CHAF1A: variants seen among roughly 807,000 people sequenced by gnomAD.
CHAF1A encodes chromatin assembly factor 1 subunit A.
CHAF1A carries 5 observed loss-of-function variants against 93.2 expected under a neutral mutation model. The ratio of observed to expected loss-of-function variants is 0.05; its 90% CI spans 0.03 to 0.11. The LOEUF is 0.11. CHAF1A is among the 10% of genes least tolerant of loss of function. The probability of loss-of-function intolerance (pLI) is 1.00; values close to 1 mark genes in which losing one functional copy is unlikely to be tolerated. For synonymous variants in CHAF1A, 504 were observed against 510.3 expected (o/e 0.99, Z 0.17); for missense variants, 1,102 against 1,259.9 (o/e 0.87, Z 1.90).
intron 7 of CHAF1A, among the ~76,000 whole-genome samples, chr19:4,424,636 T>G (rs1313707590): frequency 1.3e-5 from 2 of 151,982 alleles, no homozygotes; most frequent in African/African-American, 4.8e-5. Flanking sequence ...GGCTAATTTT[T>G]TATTTTTATT....
intron 7 of CHAF1A, among the ~76,000 whole-genome samples, chr19:4,425,984 A>C (rs892210202): frequency 6.6e-6 from 1 of 152,074 alleles, no homozygotes; most frequent in Non-Finnish European, 1.5e-5. Context: ...GCAGTTGAGC[A>C]TCTTTTTCTG....
intron 3 of CHAF1A, among the ~76,000 whole-genome samples, chr19:4,414,216 C>T (rs1415038736): frequency 1.3e-5 from 2 of 152,054 alleles, no homozygotes; most frequent in Non-Finnish European, 2.9e-5. Flanking sequence ...GCTTGACCAA[C>T]ATGGTGAAAC....
chr19:4,437,514 C>A (rs985301881), intron 13 of CHAF1A, among the ~76,000 whole-genome samples: 5 of 152,116 alleles, frequency 3.3e-5, no homozygotes, highest in African/African-American at 1.2e-4. Flanking sequence ...CCATGCCCAA[C>A]TAATTTTCAA....
intron 4 of CHAF1A, among the ~76,000 whole-genome samples, chr19:4,420,356 C>T (rs1973969837): frequency 1.3e-5 from 2 of 152,096 alleles, no homozygotes; most frequent in Admixed American, 1.3e-4. Context: ...GATTCTCCTG[C>T]CTCGGTCTCC....
chr19:4,422,456 C>T lies in CHAF1A; in HGVS notation c.1018-110C>T, dbSNP rs1034541500. ...GAGCCACCATGCCTAGCCTTGGTCC[C>T]TCAATTCTGTTCATCCCGTCCAGGC... On this transcript the variant is annotated intron_variant, in intron 4 of 14. Coordinates refer to ENST00000301280, the MANE Select transcript of CHAF1A (RefSeq NM_005483.3). This position sits in a 1 kb window ranked among gnomAD's most constrained non-coding sequence, Gnocchi z 4.6. The T allele has an allele frequency of 4.0e-6, 4 of 994,024 alleles. No homozygotes were observed. Among genetic ancestry groups the T allele is most frequent in the African/African-American group, 3.3e-5 (2 of 61,308 alleles). 61.6% of individuals were successfully genotyped at this position (994,024 alleles called of 1,614,324 possible). A position where few individuals can be genotyped will look rare whatever the true frequency, so the allele number is the denominator to read the frequency against.
chr19:4,402,662 G>GGCGGTAGCA lies in CHAF1A; in HGVS notation c.-97_-96insTAGCAGCGG. 1.5e-6 allele frequency: 1 copy of GGCGGTAGCA among 684,374 alleles called. No individual in the cohort carries two copies. The highest frequency in any genetic ancestry group is 2.0e-6 in the Non-Finnish European group (1 of 504,316). The allele number at this position is 684,374 out of a possible 1,614,324, so 42.4% of individuals were successfully genotyped here. A position where few individuals can be genotyped will look rare whatever the true frequency, so the allele number is the denominator to read the frequency against. ...CGCCAAATACGAGCGCGGCGGCCGCGGCGGCAGCAGCGGCGCGGGCGGGAG... is the reference window on the plus strand; with the variant it reads ...CGCCAAATACGAGCGCGGCGGCCGCGGCGGTAGCAGCGGCAGCAGCGGCGCGGGCGGGAG... On this transcript the variant is annotated 5_prime_UTR_variant, in exon 1 of 15. Coordinates refer to ENST00000301280, the MANE Select transcript of CHAF1A (RefSeq NM_005483.3).
At chr19:4,419,788 A>C (rs1973958317) in intron 4 of CHAF1A, among the ~76,000 whole-genome samples, 1 of 152,186 alleles carries the variant, frequency 6.6e-6, no homozygotes, top group Non-Finnish European at 1.5e-5. Context: ...TTTAAAGCTC[A>C]TTGGAACCTC....
downstream of CHAF1A, chr19:4,444,848 G>GGGT (rs1568186689): frequency 6.5e-6 from 1 of 152,694 alleles, no homozygotes; most frequent in African/African-American, 2.4e-5. Context: ...CTCCCCAGGT[G>GGGT]GGTGGCTCAT....
At position 4,412,894 on chromosome 19, in the gene CHAF1A, G is replaced by A. The variant is rs754066265; in HGVS notation, c.960+3135G>A. On this transcript the variant is annotated intron_variant, in intron 3 of 14. Coordinates refer to ENST00000301280, the MANE Select transcript of CHAF1A (RefSeq NM_005483.3). ...ACCCGCAGAGGGCCTGTCAGTCACC[G>A]AAGCTATGAGGGAAGCGATTATCGG... Among the ~76,000 whole-genome samples the A allele has an allele frequency of 5.3e-5, 8 of 152,182 alleles. No individual in the cohort carries two copies. In the South Asian group the frequency reaches 6.2e-4, roughly 12 times the overall value.
chr19:4,423,520 AG>A, intron 6 of CHAF1A, 125 bp downstream of exon 6: 2 of 1,499,816 alleles, frequency 1.3e-6, no homozygotes, highest in East Asian at 4.6e-5. Context: ...TGGCGCCCGC[AG>A]GGAGGGCGAG....
Position 4,442,215 on chromosome 19 carries a change from T to C in CHAF1A, c.2674-30T>C, listed in dbSNP as rs1236733210. The C allele has an allele frequency of 1.9e-6, 3 of 1,602,438 alleles. No homozygotes were observed. In the Admixed American group the frequency reaches 5.0e-5, roughly 27 times the overall value. ...GCACCAGGGTGGCTGCTGCCTGCAG[T>C]GCTGATGGCCGTGTACCCTGTCTGT... is the stretch of plus-strand genomic sequence containing the variant. On this transcript the variant is annotated intron_variant, in intron 13 of 14. Transcript: ENST00000301280.
At chr19:4,407,252 A>G (rs1973698232) in intron 2 of CHAF1A, among the ~76,000 whole-genome samples, 2 of 150,094 alleles carry the variant, frequency 1.3e-5, no homozygotes, top group South Asian at 2.2e-4. Context: ...CCCCCCAAAA[A>G]AAAACAGGTT....
chr19:4,441,765 T>G (rs1317954101), intron 13 of CHAF1A, among the ~76,000 whole-genome samples: 3 of 146,832 alleles, frequency 2.0e-5, no homozygotes, highest in Admixed American at 6.8e-5. Context: ...GGGCGTGGTG[T>G]CAGGCGCCTG....
downstream of CHAF1A, chr19:4,444,766 C>T (rs1974467249): frequency 6.6e-6 from 1 of 152,300 alleles, no homozygotes; most frequent in Non-Finnish European, 1.5e-5. Context: ...AGGCCTGTGA[C>T]AGCACTCGCC....
chr19:4,433,058 C>A lies in CHAF1A; in HGVS notation c.2204-12C>A. The A allele has an allele frequency of 6.5e-7, 1 of 1,535,760 alleles. No homozygotes were observed. Among genetic ancestry groups the A allele is most frequent in the Non-Finnish European group, 8.8e-7 (1 of 1,134,286 alleles). ...CCCAAGCCTCATGCCCACCCATGTT[C>A]CCTCCTGCCAGTCCTGGCCCAGCTG... On this transcript the variant is annotated splice_polypyrimidine_tract_variant and intron_variant, in intron 12 of 14. Transcript: ENST00000301280. This position sits in a 1 kb window ranked among gnomAD's most constrained non-coding sequence, Gnocchi z 5.6.
intron 3 of CHAF1A, among the ~76,000 whole-genome samples, chr19:4,411,038 A>T (rs1024068430): frequency 6.6e-6 from 1 of 152,122 alleles, no homozygotes; most frequent in Non-Finnish European, 1.5e-5. Flanking sequence ...AGTATGTAGA[A>T]CCAGAAGAGA....
intron 13 of CHAF1A, among the ~76,000 whole-genome samples, chr19:4,439,285 A>G (rs978700451): frequency 2.0e-5 from 3 of 151,806 alleles, no homozygotes; most frequent in African/African-American, 7.3e-5. Flanking sequence ...CGTCTCAGAA[A>G]AAAAAAAAAA....
chr19:4,442,702 A>G (rs893884181), intron 14 of CHAF1A, among the ~76,000 whole-genome samples: 7 of 152,134 alleles, frequency 4.6e-5, no homozygotes, highest in Admixed American at 4.6e-4. Context: ...GCGTGGGAGG[A>G]GTGTGCCCGG....
intron 13 of CHAF1A, among the ~76,000 whole-genome samples, chr19:4,434,760 C>G (rs547054877): frequency 6.6e-6 from 1 of 152,230 alleles, no homozygotes; most frequent in South Asian, 2.1e-4. Context: ...TTATTAAGCA[C>G]TTACTGTGCT....
Sources: gnomAD v4.1 joint callset for allele counts (sites outside exome capture counted in the v4.1 genomes callset) on GRCh38, gnomAD v4.1.1 for gene constraint, Gnocchi (gnomAD v3.1) non-coding constraint, MANE v1.5 for transcripts, NCBI Gene and HGNC (gene_info 2026-07-23, HGNC 2026-07-21) for gene names.